YJU2: variants seen among roughly 807,000 people sequenced by gnomAD.
YJU2 encodes splicing factor YJU2.
YJU2 carries 28 observed loss-of-function variants against 39.6 expected under a neutral mutation model. The ratio of observed to expected loss-of-function variants is 0.71; its 90% CI spans 0.52 to 0.97. The LOEUF (loss-of-function observed/expected upper bound fraction) is 0.97, where lower values mean the gene tolerates loss of function less well. Among genes scored for constraint, YJU2 ranks in the 50% least tolerant of loss-of-function variants. The probability of loss-of-function intolerance (pLI) is 0.00; values close to 1 mark genes in which losing one functional copy is unlikely to be tolerated. For synonymous variants in YJU2, 184 were observed against 182.4 expected (o/e 1.01, Z -0.07); for missense variants, 328 against 430.4 (o/e 0.76, Z 2.11).
chr19:4,250,994 A>G (rs3803908), intron 2 of YJU2, 33 bp from the exon 3 acceptor site: 499,541 of 1,602,374 alleles, frequency 0.31, 81,472 homozygotes, highest in African/African-American at 0.5. Context: ...CAGCGTCCCA[A>G]GACAGCTCAC....
intron 4 of YJU2, among the ~76,000 whole-genome samples, chr19:4,255,554 C>A (rs1599498447): frequency 6.6e-6 from 1 of 151,666 alleles, no homozygotes; most frequent in East Asian, 1.9e-4. Context: ...AGGGTGAAAC[C>A]CCGTCTCTAC....
At chr19:4,261,345 G>C (rs1971068846) in intron 5 of YJU2, among the ~76,000 whole-genome samples, 1 of 152,172 alleles carries the variant, frequency 6.6e-6, no homozygotes, top group Non-Finnish European at 1.5e-5. Flanking sequence ...ACAAAAATTA[G>C]CTGGACACGG....
rs1970925962 is a variant in YJU2, at chr19:4,247,249, TC to T, written c.24+80del. 57 of 1,322,668 alleles carry T rather than the reference TC, an allele frequency of 4.3e-5. No individual in the cohort carries two copies. The South Asian group carries it at 6.6e-4, about 15-fold the overall frequency. 81.9% of individuals were successfully genotyped at this position (1,322,668 alleles called of 1,614,324 possible). ...CGGGAGAGGGAGGAGCTTCCTGAGA[TC>T]TCTTCTTTGGAACCCTTCTTTCCCA... is the stretch of plus-strand genomic sequence containing the variant. On this transcript the variant is annotated intron_variant, in intron 1 of 7. Coordinates refer to ENST00000262962, the MANE Select transcript of YJU2 (RefSeq NM_018074.6).
chr19:4,254,692 G>T (rs1406238110), intron 4 of YJU2, among the ~76,000 whole-genome samples: 1 of 152,016 alleles, frequency 6.6e-6, no homozygotes, highest in Non-Finnish European at 1.5e-5. Context: ...GGCTGAGGCG[G>T]GAGGATCACT....
intron 4 of YJU2, 143 bp downstream of exon 4, chr19:4,254,632 C>G: frequency 8.2e-7 from 1 of 1,224,058 alleles, no homozygotes; most frequent in Non-Finnish European, 1.1e-6. Flanking sequence ...TAAGATGTCC[C>G]CAGGAGGCCA....
intron 6 of YJU2, among the ~76,000 whole-genome samples, chr19:4,266,643 A>G (rs1163502642): frequency 6.6e-6 from 1 of 152,006 alleles, no homozygotes; most frequent in Non-Finnish European, 1.5e-5. Context: ...ACCCATTGGG[A>G]CTTCCTTAAC....
At chr19:4,260,026 GC>G (rs1971058092) in intron 5 of YJU2, among the ~76,000 whole-genome samples, 1 of 152,114 alleles carries the variant, frequency 6.6e-6, no homozygotes, top group South Asian at 2.1e-4. Context: ...CCAGGCATGA[GC>G]CCCACCAAGG....
chr19:4,247,476 C>T (rs1157142655), intron 1 of YJU2: 4 of 258,350 alleles, frequency 1.5e-5, no homozygotes, highest in Admixed American at 1.0e-4. Context: ...TAAATGCTGG[C>T]GGCCGTGTTT....
At chr19:4,257,310 T>C (rs1158211677) in intron 4 of YJU2, among the ~76,000 whole-genome samples, 1 of 152,150 alleles carries the variant, frequency 6.6e-6, no homozygotes, top group African/African-American at 2.4e-5. Flanking sequence ...ATTATTATTT[T>C]TGAGATAGAG....
rs1169478879 is a variant in YJU2 at position 4,254,477 on chromosome 19, C to T, written c.393C>T (p.Asn131=). Residue 131 remains asparagine, a synonymous_variant, in exon 4 of 8, where the codon AAC becomes AAT. Transcript: ENST00000262962. ...AGGAGCGGGAGGACGAGGAGCTGAACAACCCCATGAAGGTGAGTCGGGGGC... is the reference window on the plus strand; with the variant it reads ...AGGAGCGGGAGGACGAGGAGCTGAATAACCCCATGAAGGTGAGTCGGGGGC... ...VQKEREDEEL[N]NPMKVLENRT... 1.2e-6 allele frequency: 2 copies of T among 1,601,270 alleles called. No homozygotes were observed. Among genetic ancestry groups the T allele is most frequent in the Non-Finnish European group, 8.5e-7 (1 of 1,173,220 alleles).
At chr19:4,263,016 G>A (rs568832666) in intron 6 of YJU2, among the ~76,000 whole-genome samples, 1 of 150,876 alleles carries the variant, frequency 6.6e-6, no homozygotes, top group African/African-American at 2.4e-5. Flanking sequence ...GGAGGTTGCA[G>A]CGAGCCGAGA....
At chr19:4,258,144 GGTTCCTCCCGTGGCCCGCAGT>G in intron 4 of YJU2, 77 bp from the exon 5 acceptor site, 1 of 1,483,682 alleles carries the variant, frequency 6.7e-7, no homozygotes, top group Non-Finnish European at 9.0e-7. Flanking sequence ...TGGGGGTAGG[GGTTCCTCCCGTGGCCCGCAGT>G]GGCCCCCGAG....
chr19:4,251,446 T>C (rs935113948), intron 3 of YJU2, among the ~76,000 whole-genome samples: 1 of 152,264 alleles, frequency 6.6e-6, no homozygotes, highest in Middle Eastern at 3.4e-3. Flanking sequence ...CCCAGCACTT[T>C]GGGCGGCCAA....
intron 2 of YJU2, 74 bp from the exon 3 acceptor site, chr19:4,250,953 G>A: frequency 6.5e-7 from 1 of 1,536,366 alleles, no homozygotes; most frequent in South Asian, 1.2e-5. Context: ...GATCTTGCAG[G>A]ATGCCGCAGG....
In YJU2 at chr19:4,254,901, C is replaced by T. The variant is rs181750141; in HGVS notation, c.405+412C>T. Among the ~76,000 whole-genome samples the T allele has an allele frequency of 2.0e-3, 306 of 151,910 alleles. 1 individual carries two copies. Among genetic ancestry groups the T allele is most frequent in the African/African-American group, 7.0e-3 (288 of 41,406 alleles). On this transcript the variant is annotated intron_variant, in intron 4 of 7. Coordinates refer to ENST00000262962, the MANE Select transcript of YJU2 (RefSeq NM_018074.6). ...TGAAACCCCGTCTCTACTAAAAATA[C>T]AAAAATTAGCCAGGCATGGTGGCAC...
In YJU2 at chr19:4,267,620, G is replaced by T. The variant is rs751281030; in HGVS notation, c.709-4G>T. ...ACCCCCACATGTGTCCCCATCACCTGCAGGCCCCAAAGCCCAAGAGGAAGG... is the reference window on the plus strand; with the variant it reads ...ACCCCCACATGTGTCCCCATCACCTTCAGGCCCCAAAGCCCAAGAGGAAGG... On this transcript the variant is annotated splice_region_variant and splice_polypyrimidine_tract_variant and intron_variant, in intron 6 of 7. Transcript: ENST00000262962. 1 of 1,611,574 alleles carries T rather than the reference G, an allele frequency of 6.2e-7. No individual in the cohort carries two copies. Among genetic ancestry groups the T allele is most frequent in the Non-Finnish European group, 8.5e-7 (1 of 1,179,064 alleles).
chr19:4,247,574 GGGTGGCGCGTGTGTGTGTGTGT>G (rs1970931561), intron 1 of YJU2, among the ~76,000 whole-genome samples: 1 of 81,644 alleles, frequency 1.2e-5, no homozygotes, highest in African/African-American at 1.2e-4. Context: ...GGGTGGGGTG[GGGTGGCGCGTGTGTGTGTGTGT>G]GTGTGTGTGT....
rs1971124650 is a variant in YJU2, at chr19:4,267,531, T to C, written c.709-93T>C. Reference sequence around the variant, plus strand: ...TGTGGTCAGTGCAGCAGTGGAAGAGTGGGCATGGGGCAGTGAGCAGGGGTT... The same window carrying C: ...TGTGGTCAGTGCAGCAGTGGAAGAGCGGGCATGGGGCAGTGAGCAGGGGTT... On this transcript the variant is annotated intron_variant, in intron 6 of 7. Coordinates refer to ENST00000262962, the MANE Select transcript of YJU2 (RefSeq NM_018074.6). 2.3e-6 allele frequency: 3 copies of C among 1,320,086 alleles called. No homozygotes were observed. The Admixed American group carries it at 5.8e-5, about 25-fold the overall frequency. The allele number at this position is 1,320,086 out of a possible 1,614,324, so 81.8% of individuals were successfully genotyped here.
At chr19:4,267,152 G>A (rs1971122155) in intron 6 of YJU2, among the ~76,000 whole-genome samples, 1 of 152,118 alleles carries the variant, frequency 6.6e-6, no homozygotes, top group African/African-American at 2.4e-5. Flanking sequence ...AGCCAGCAGT[G>A]GGGAAGACAG....
Sources: gnomAD v4.1 joint callset for allele counts (sites outside exome capture counted in the v4.1 genomes callset) on GRCh38, gnomAD v4.1.1 for gene constraint, MANE v1.5 for transcripts, NCBI Gene and HGNC (gene_info 2026-07-23, HGNC 2026-07-21) for gene names.